The following USP31 variants were observed in gnomAD, a reference collection of about 807,000 sequenced individuals.
USP31 encodes ubiquitin specific peptidase 31.
A neutral mutation model predicts 119.4 loss-of-function variants in USP31; 44 were observed. The ratio of observed to expected loss-of-function variants is 0.37; its 90% CI spans 0.29 to 0.47. USP31 has a LOEUF of 0.47. USP31 is among the 20% of genes least tolerant of loss of function. USP31 has a pLI of 0.99. For synonymous variants in USP31, 749 were observed against 705.6 expected, an observed-to-expected ratio of 1.06 and a Z score of -0.97; for missense variants, 1,643 against 1,730.2, an observed-to-expected ratio of 0.95 and a Z score of 0.89.
intron 10 of USP31, 58 bp downstream of exon 10, chr16:23,085,527 C>T (rs1159944849): frequency 1.4e-6 from 2 of 1,430,058 alleles, no homozygotes; most frequent in Non-Finnish European, 2.0e-6. Context: ...CAAAGGTGTG[C>T]TATAAAAATG....
intron 5 of USP31, among the ~76,000 whole-genome samples, chr16:23,104,531 T>A (rs1015666720): frequency 2.0e-5 from 3 of 152,196 alleles, no homozygotes; most frequent in Non-Finnish European, 2.9e-5. Context: ...GGAAAGAATA[T>A]GAACATTTTA....
intron 1 of USP31, among the ~76,000 whole-genome samples, chr16:23,133,886 G>A (rs1903104157): frequency 6.6e-6 from 1 of 152,092 alleles, no homozygotes; most frequent in Non-Finnish European, 1.5e-5. Context: ...GGCCAGCCTG[G>A]GCAACATGGC....
At chr16:23,116,404 C>A (rs28546370) in intron 1 of USP31, among the ~76,000 whole-genome samples, 1 of 151,998 alleles carries the variant, frequency 6.6e-6, no homozygotes, top group Non-Finnish European at 1.5e-5. Context: ...ACTTTCAGGA[C>A]GCCTACTAAG....
rs1201754458 is a variant in USP31 at position 23,062,425 on chromosome 16, C to G, written c.*5621G>C. On this transcript the variant is annotated 3_prime_UTR_variant, in exon 16 of 16. Coordinates refer to ENST00000219689, the MANE Select transcript of USP31 (RefSeq NM_020718.4). Reference sequence around the variant, plus strand: ...AAAATGTTTCACATTCATTTTCAAACTAAAAAAAAGAATTCCTGAAACCAC... The same window carrying G: ...AAAATGTTTCACATTCATTTTCAAAGTAAAAAAAAGAATTCCTGAAACCAC... The G allele has an allele frequency of 6.7e-6, 1 of 150,348 alleles. No individual in the cohort carries two copies. Among genetic ancestry groups the G allele is most frequent in the Non-Finnish European group, 1.5e-5 (1 of 67,520 alleles). The allele number at this position is 150,348 out of a possible 1,614,324, so 9.3% of individuals were successfully genotyped here.
chr16:23,082,682 A>T, intron 11 of USP31, 125 bp from the exon 12 acceptor site: 1 of 1,293,572 alleles, frequency 7.7e-7, no homozygotes, highest in Non-Finnish European at 1.1e-6. Context: ...GATGCTGGGC[A>T]TCAATGGAAT....
At position 23,149,097 on chromosome 16, in the gene USP31, T is replaced by C. The variant is rs1903633366; in HGVS notation, c.174A>G (p.Ala58=). The part of the protein sequence containing the change: ...APSSPSSPSS[A]RSVGSFMSRV... ...GGCTCATGAAGCTGCCCACCGAGCG[T>C]GCAGAGGAGGGCGAGGAGGGCGAGG... Residue 58 remains alanine, a synonymous_variant, in exon 1 of 16, where the codon GCA becomes GCG. Transcript: ENST00000219689. 7.9e-7 allele frequency: 1 copy of C among 1,272,142 alleles called. No individual in the cohort carries two copies. The highest frequency in any genetic ancestry group is 1.6e-5 in the African/African-American group (1 of 62,724). 78.8% of individuals were successfully genotyped at this position (1,272,142 alleles called of 1,614,324 possible). A position where few individuals can be genotyped will look rare whatever the true frequency, so the allele number is the denominator to read the frequency against.
At chr16:23,135,445 A>G (rs928714246) in intron 1 of USP31, among the ~76,000 whole-genome samples, 3 of 152,200 alleles carry the variant, frequency 2.0e-5, no homozygotes, top group Non-Finnish European at 4.4e-5. Context: ...AGAAACACCT[A>G]AAGATTCCAC....
chr16:23,082,403 A>T, intron 12 of USP31, 35 bp downstream of exon 12: 1 of 1,611,326 alleles, frequency 6.2e-7, no homozygotes, highest in African/African-American at 1.3e-5. Context: ...ACTTGTCACA[A>T]CTTGTTTGTT....
chr16:23,146,670 A>C (rs1384227707), intron 1 of USP31, among the ~76,000 whole-genome samples: 1 of 152,228 alleles, frequency 6.6e-6, no homozygotes, highest in Admixed American at 6.5e-5. Context: ...ATTGAGCAGC[A>C]TAAGATGTAA....
chr16:23,074,050 G>A (rs548544437), intron 13 of USP31, 170 bp from the exon 14 acceptor site: 28 of 788,108 alleles, frequency 3.6e-5, no homozygotes, highest in South Asian at 8.3e-5. Flanking sequence ...TATCACACTC[G>A]AGCAAAATAT....
chr16:23,139,339 T>C (rs956578006), intron 1 of USP31, among the ~76,000 whole-genome samples: 5 of 152,110 alleles, frequency 3.3e-5, no homozygotes, highest in African/African-American at 9.7e-5. Flanking sequence ...GAGGCAGAGA[T>C]TGCAGTGAGC....
At chr16:23,140,451 T>C (rs997399337) in intron 1 of USP31, among the ~76,000 whole-genome samples, 1 of 152,112 alleles carries the variant, frequency 6.6e-6, no homozygotes, top group Non-Finnish European at 1.5e-5. Context: ...CAGCCCAAAA[T>C]AGCAAGAGTG....
chr16:23,082,449 T>G lies in USP31; in HGVS notation c.1939A>C (p.Arg647=), dbSNP rs763012704. 14 of 1,614,044 alleles carry G rather than the reference T, an allele frequency of 8.7e-6. No individual in the cohort carries two copies. The highest frequency in any genetic ancestry group is 3.3e-5 in the South Asian group (3 of 91,054). Residue 647 remains arginine (R), a synonymous_variant, in exon 12 of 16, where the codon AGA becomes CGA. Transcript: ENST00000219689. ...LPDVLIIHLK[R]FRQEGDRRMK... is the part of the protein sequence containing the mutation. ...AAGGATTTCCATACCTGCCGAAATC[T>G]CTTTAGATGTATAATAAGCACATCA...
Position 23,068,745 on chromosome 16 carries a change from G to C in USP31, c.3360C>G (p.Ala1120=). The C allele has an allele frequency of 2.5e-6, 4 of 1,594,778 alleles. No homozygotes were observed. The highest frequency in any genetic ancestry group is 2.6e-6 in the Non-Finnish European group (3 of 1,171,674). ...ATGTGGAGGAAGCAGTGTAGGTGAG[G>C]GCCGAGGCTGACTTCTGCTTCTGTG... ...PSPQKQKSAS[A]LTYTASSTSA... Residue 1120 remains alanine, a synonymous_variant, in exon 16 of 16, where the codon GCC becomes GCG. Coordinates refer to ENST00000219689, the MANE Select transcript of USP31 (RefSeq NM_020718.4).
rs950197066 is a variant in USP31, at chr16:23,121,814, G to C, written c.634-13631C>G. The stretch of plus-strand genomic sequence containing the variant: ...CCTTCTGTAAATAAGGTAATAATAT[G>C]ATTTAAGAGCCTTTGAAATAGGTAA... On this transcript the variant is annotated intron_variant, in intron 1 of 15. Coordinates refer to ENST00000219689, the MANE Select transcript of USP31 (RefSeq NM_020718.4). 2.0e-5 allele frequency among the ~76,000 whole-genome samples: 3 copies of C among 152,140 alleles called. No homozygotes were observed. In the East Asian group the frequency reaches 5.8e-4, roughly 29 times the overall value.
chr16:23,068,314 T>C lies in USP31; in HGVS notation c.3791A>G (p.Lys1264Arg), dbSNP rs533124422. The C allele has an allele frequency of 2.2e-5, 35 of 1,614,118 alleles. No homozygotes were observed. In the South Asian group the frequency reaches 3.2e-4, roughly 15 times the overall value. ...AGGSSVKSVC[K>R]NTGDDEAERG... ...CTCTGCCTCGTCGTCCCCGGTGTTC[T>C]TACAGACAGACTTAACAGAGCTCCC... Residue 1264 changes from lysine to arginine, a missense_variant, in exon 16 of 16, where the codon AAG (lysine) becomes AGG (arginine). Physicochemically the swap from Lys to Arg is conservative, Grantham distance 26. Coordinates refer to ENST00000219689, the MANE Select transcript of USP31 (RefSeq NM_020718.4).
At position 23,073,748 on chromosome 16, in the gene USP31, G is replaced by A. The variant is rs1378037042; in HGVS notation, c.2309C>T (p.Ser770Leu). The A allele has an allele frequency of 1.2e-6, 2 of 1,613,036 alleles. No homozygotes were observed. The highest frequency in any genetic ancestry group is 2.7e-5 in the African/African-American group (2 of 75,010). ...TGCCACCGAGCTGTTGGCTGACCAT[G>A]ACGGGATGGCTGTCCGCCTCTGGTA... ...LFYQRRTAIP[S>L]WSANSSVAGS... Residue 770 changes from serine to leucine, a missense_variant, in exon 14 of 16, where the codon TCA becomes TTA. Ser to Leu is a moderately radical substitution (Grantham distance 145, BLOSUM62 -2). Around this residue, in one of 5 missense-constraint regions of USP31, gnomAD observed 279 missense variants for 372.2 expected, o/e 0.75. Coordinates refer to ENST00000219689, the MANE Select transcript of USP31 (RefSeq NM_020718.4).
intron 9 of USP31, among the ~76,000 whole-genome samples, chr16:23,086,124 G>A (rs753961991): frequency 6.6e-5 from 10 of 152,082 alleles, no homozygotes; most frequent in Non-Finnish European, 1.3e-4. Flanking sequence ...AGCTACCCCC[G>A]TCCCAAGTTC....
intron 6 of USP31, among the ~76,000 whole-genome samples, chr16:23,096,715 A>T (rs4967968): frequency 0.06 from 9,154 of 152,290 alleles, 377 homozygotes; most frequent in Non-Finnish European, 0.08. Flanking sequence ...AACTACATGG[A>T]AACTGAAGAA....
Sources: allele counts gnomAD v4.1 joint callset (sites outside exome capture counted in the v4.1 genomes callset), GRCh38; gene constraint gnomAD v4.1.1; regional missense constraint gnomAD v4.1.1; transcripts MANE v1.5; gene names NCBI Gene and HGNC (gene_info 2026-07-23, HGNC 2026-07-21).